HMBOX1: variants seen among roughly 807,000 people sequenced by gnomAD.
HMBOX1 encodes homeobox containing 1, also known as homeobox-containing protein 1.
HMBOX1 carries 14 observed loss-of-function variants against 54.5 expected under a neutral mutation model. The observed-to-expected ratio is 0.26, with a 90% CI of 0.17 to 0.40. HMBOX1 has a LOEUF of 0.40. Ranked by LOEUF, HMBOX1 falls within the 10% of genes least tolerant of loss-of-function variation. The pLI is 1.00. For synonymous variants in HMBOX1, 160 were observed against 181.0 expected (o/e 0.88, Z 0.93); for missense variants, 332 against 514.4 (o/e 0.65, Z 3.43).
chr8:28,945,556 A>G (rs1419632889), intron 1 of HMBOX1, among the ~76,000 whole-genome samples: 1 of 152,226 alleles, frequency 6.6e-6, no homozygotes, highest in Non-Finnish European at 1.5e-5. Flanking sequence ...GATTGGAGAG[A>G]AGGTTATAAA....
intron 6 of HMBOX1, among the ~76,000 whole-genome samples, chr8:29,028,023 G>A (rs1322194590): frequency 6.6e-6 from 1 of 152,122 alleles, no homozygotes; most frequent in Admixed American, 6.6e-5. Context: ...AGAACCCTCT[G>A]AAATTATACA....
chr8:28,892,463 T>C (rs1811202009), intron 1 of HMBOX1, among the ~76,000 whole-genome samples: 1 of 152,208 alleles, frequency 6.6e-6, no homozygotes, highest in Non-Finnish European at 1.5e-5. Flanking sequence ...ATTTTTTTAG[T>C]GTAACGGATT....
chr8:28,912,589 G>T (rs1253083662), intron 1 of HMBOX1, among the ~76,000 whole-genome samples: 1 of 152,110 alleles, frequency 6.6e-6, no homozygotes, highest in Admixed American at 6.5e-5. Context: ...TGATATTTCA[G>T]CAGTTTTTGT....
chr8:28,973,964 C>T (rs1050929856), intron 3 of HMBOX1, among the ~76,000 whole-genome samples: 4 of 151,606 alleles, frequency 2.6e-5, no homozygotes, highest in Non-Finnish European at 5.9e-5. Context: ...ACAGCGTGCA[C>T]CACCACCCCC....
chr8:28,963,961 A>G lies in HMBOX1; in HGVS notation c.23+71A>G. 5.0e-6 allele frequency: 6 copies of G among 1,211,622 alleles called. No individual in the cohort carries two copies. The South Asian group carries it at 7.7e-5, about 16-fold the overall frequency. 75.1% of individuals were successfully genotyped at this position (1,211,622 alleles called of 1,614,324 possible). A position where few individuals can be genotyped will look rare whatever the true frequency, so the allele number is the denominator to read the frequency against. On this transcript the variant is annotated intron_variant, in intron 2 of 9. Coordinates refer to ENST00000287701, the MANE Select transcript of HMBOX1 (RefSeq NM_001135726.3). ...GTAAAGTTAAGATGTCACTATGATT[A>G]TGATCCAGATTTGACAACAGACGTT...
intron 2 of HMBOX1, among the ~76,000 whole-genome samples, chr8:28,965,313 CAT>C (rs994390873): frequency 3.3e-5 from 5 of 152,196 alleles, no homozygotes; most frequent in Non-Finnish European, 5.9e-5. Context: ...ATTTTTGTCA[CAT>C]ATGGTAGAAA....
intron 6 of HMBOX1, among the ~76,000 whole-genome samples, chr8:29,019,699 C>T (rs1214897255): frequency 6.6e-6 from 1 of 152,102 alleles, no homozygotes; most frequent in Admixed American, 6.5e-5. Flanking sequence ...GACCTATACC[C>T]AACTAACTTT....
chr8:28,982,647 T>A (rs28558218), intron 4 of HMBOX1, among the ~76,000 whole-genome samples: 1 of 150,412 alleles, frequency 6.6e-6, no homozygotes, highest in Non-Finnish European at 1.5e-5. Flanking sequence ...TTTTTTTGAG[T>A]TGGAGTCTTG....
At chr8:28,973,824 T>TTTTTTTTTTTTTTTTTTTTTTTTTTTTG (rs1827918029) in intron 3 of HMBOX1, among the ~76,000 whole-genome samples, 1 of 83,232 alleles carries the variant, frequency 1.2e-5, no homozygotes, top group Non-Finnish European at 2.8e-5. Flanking sequence ...TTTTTTTTTT[T>TTTTTTTTTTTTTTTTTTTTTTTTTTTTG]TTTTTTTTTT....
intron 1 of HMBOX1, among the ~76,000 whole-genome samples, chr8:28,927,592 A>C (rs780905466): frequency 5.3e-5 from 8 of 152,016 alleles, no homozygotes; most frequent in Non-Finnish European, 1.0e-4. Context: ...CTCCCTTGAG[A>C]ATAACACCAA....
chr8:29,045,388 T>C lies in HMBOX1; in HGVS notation c.879T>C (p.Asp293=). ...ESYFNENQYP[D]EAKREEIANA... ...ACTTCAATGAGAATCAATACCCAGATGAAGCAAAGAGGGAAGAAATTGCAA... is the reference window on the plus strand; with the variant it reads ...ACTTCAATGAGAATCAATACCCAGACGAAGCAAAGAGGGAAGAAATTGCAA... Residue 293 remains aspartate (D), a synonymous_variant, in exon 7 of 10, where the codon GAT becomes GAC. Coordinates refer to ENST00000287701, the MANE Select transcript of HMBOX1 (RefSeq NM_001135726.3). 6.2e-7 allele frequency: 1 copy of C among 1,614,204 alleles called. No individual in the cohort carries two copies. The highest frequency in any genetic ancestry group is 1.1e-5 in the South Asian group (1 of 91,090).
intron 6 of HMBOX1, among the ~76,000 whole-genome samples, chr8:29,030,179 G>GTTT (rs372951537): frequency 3.6e-5 from 5 of 137,000 alleles, no homozygotes; most frequent in Admixed American, 7.3e-5. Context: ...TTAGGTTCCA[G>GTTT]TTTTTTTTTT....
intron 1 of HMBOX1, among the ~76,000 whole-genome samples, chr8:28,960,993 G>A (rs1451163484): frequency 6.6e-6 from 1 of 151,330 alleles, no homozygotes; most frequent in African/African-American, 2.4e-5. Flanking sequence ...CACCATGTTG[G>A]CCAGGATGGT....
intron 4 of HMBOX1, among the ~76,000 whole-genome samples, chr8:28,990,039 C>T (rs1313214067): frequency 2.0e-5 from 3 of 151,868 alleles, no homozygotes; most frequent in African/African-American, 7.2e-5. Context: ...ATTATATTGA[C>T]CTGTGAACTT....
At chr8:28,940,038 A>AT (rs1301907585) in intron 1 of HMBOX1, among the ~76,000 whole-genome samples, 2 of 150,866 alleles carry the variant, frequency 1.3e-5, no homozygotes, top group Non-Finnish European at 3.0e-5. Context: ...TTTTTTTTGT[A>AT]TTTTTTTTGT....
At chr8:28,946,332 G>A (rs1822451497) in intron 1 of HMBOX1, among the ~76,000 whole-genome samples, 1 of 151,882 alleles carries the variant, frequency 6.6e-6, no homozygotes, top group Non-Finnish European at 1.5e-5. Flanking sequence ...ACTTTGGGAG[G>A]CCAAGGTGGG....
chr8:28,951,096 G>A (rs1823333512), intron 1 of HMBOX1, among the ~76,000 whole-genome samples: 1 of 152,182 alleles, frequency 6.6e-6, no homozygotes, highest in Non-Finnish European at 1.5e-5. Context: ...TCATGAGTTA[G>A]TTCAGCAAAT....
At chr8:29,010,234 G>A in intron 5 of HMBOX1, 6 of 667,366 alleles carry the variant, frequency 9.0e-6, no homozygotes, top group African/African-American at 2.0e-5. Flanking sequence ...TAACACAGTA[G>A]ACACCTGTTT....
At chr8:29,009,011 T>G in intron 4 of HMBOX1, 61 bp from the exon 5 acceptor site, 1 of 1,328,662 alleles carries the variant, frequency 7.5e-7, no homozygotes, top group Middle Eastern at 1.9e-4. Flanking sequence ...AACCAAAAGA[T>G]CCTTTATTAA....
Sources: allele counts gnomAD v4.1 joint callset (sites outside exome capture counted in the v4.1 genomes callset), GRCh38; gene constraint gnomAD v4.1.1; transcripts MANE v1.5; gene names NCBI Gene and HGNC (gene_info 2026-07-23, HGNC 2026-07-21).